Variants in PDGFRB observed in about 807,000 individuals in gnomAD.
PDGFRB encodes platelet derived growth factor receptor beta.
In PDGFRB, 42 loss-of-function variants were observed where a neutral mutation model predicts 120.2. The observed-to-expected ratio is 0.35, with a 90% CI of 0.27 to 0.45. The LOEUF (loss-of-function observed/expected upper bound fraction) is 0.45, where lower values mean the gene tolerates loss of function less well. PDGFRB is among the 20% of genes least tolerant of loss of function. The pLI, the probability that PDGFRB is intolerant of heterozygous loss-of-function variation, is 1.00. For synonymous variants in PDGFRB, 586 were observed against 606.8 expected, an observed-to-expected ratio of 0.97 and a Z score of 0.50; for missense variants, 1,149 against 1,476.3, an observed-to-expected ratio of 0.78 and a Z score of 3.63.
In PDGFRB at chr5:150,125,480, G is replaced by T; in HGVS notation, c.1772C>A (p.Ser591Tyr). The T allele has an allele frequency of 6.2e-7, 1 of 1,613,200 alleles. No homozygotes were observed. Among genetic ancestry groups the T allele is most frequent in the African/African-American group, 1.3e-5 (1 of 75,042 alleles). The change falls in exon 12 of 23, where the codon TCC becomes TAC. Residue 591 changes from serine to tyrosine, a missense_variant. Transcript: ENST00000261799. ...YVDPMQLPYD[S>Y]TWELPRDQLV... The stretch of plus-strand genomic sequence containing the variant: ...CTGGTCCCGCGGCAGCTCCCACGTG[G>T]AGTCATAGGGCAGCTGCATGGGGTC...
intron 8 of PDGFRB, among the ~76,000 whole-genome samples, chr5:150,131,490 TC>T (rs1279804333): frequency 6.6e-6 from 1 of 152,104 alleles, no homozygotes; most frequent in Non-Finnish European, 1.5e-5. Context: ...CTCTCAACCT[TC>T]CCTACCCGGC....
At position 150,133,896 on chromosome 5, in the gene PDGFRB, T is replaced by C; in HGVS notation, c.744A>G (p.Thr248=). Residue 248 remains threonine (T), a synonymous_variant, in exon 5 of 23, where the codon ACA becomes ACG. Coordinates refer to ENST00000261799, the MANE Select transcript of PDGFRB (RefSeq NM_002609.4). ...IGNEVVNFEW[T]YPRKESGRLV... ...CCCACATTACTTCTTTGCGGGGGTA[T>C]GTCCACTCGAAGTTGACCACCTCAT... 1 of 1,614,140 alleles carries C rather than the reference T, an allele frequency of 6.2e-7. No individual in the cohort carries two copies. Among genetic ancestry groups the C allele is most frequent in the Non-Finnish European group, 8.5e-7 (1 of 1,180,010 alleles).
intron 8 of PDGFRB, among the ~76,000 whole-genome samples, chr5:150,131,321 A>G (rs1027698749): frequency 1.3e-5 from 2 of 152,098 alleles, no homozygotes; most frequent in African/African-American, 4.8e-5. Flanking sequence ...CAAGCCTTTC[A>G]GTGATTGCTC....
chr5:150,124,416 C>A, intron 13 of PDGFRB, 56 bp from the exon 14 acceptor site: 2 of 1,269,510 alleles, frequency 1.6e-6, no homozygotes. Context: ...CATGGAGGCC[C>A]CACCACAGGA....
Position 150,130,483 on chromosome 5 carries a change from C to T in PDGFRB, c.1367+56G>A, listed in dbSNP as rs74846250. Reference sequence around the variant, plus strand: ...AACGGGCGGGACTAGATAACCTTCACGAGCTTTTTCTAGCCAGCTGGGGAC... The same window carrying T: ...AACGGGCGGGACTAGATAACCTTCATGAGCTTTTTCTAGCCAGCTGGGGAC... On this transcript the variant is annotated intron_variant, in intron 9 of 22. Transcript: ENST00000261799. 2.5e-5 allele frequency: 40 copies of T among 1,572,410 alleles called. No homozygotes were observed. In the African/African-American group the frequency reaches 4.2e-4, roughly 17 times the overall value.
At chr5:150,146,413 C>A (rs1019435384) in intron 1 of PDGFRB, among the ~76,000 whole-genome samples, 2 of 152,192 alleles carry the variant, frequency 1.3e-5, no homozygotes, top group Admixed American at 6.5e-5. Flanking sequence ...GGGGGGTACA[C>A]TCATTATTCC....
intron 10 of PDGFRB, among the ~76,000 whole-genome samples, chr5:150,127,239 G>A (rs1039671421): frequency 2.0e-5 from 3 of 152,104 alleles, no homozygotes; most frequent in African/African-American, 4.8e-5. Flanking sequence ...TACAAGCCTC[G>A]AGTCTCCTCC....
intron 1 of PDGFRB, among the ~76,000 whole-genome samples, chr5:150,138,231 C>T (rs760129809): frequency 2.0e-5 from 3 of 152,226 alleles, no homozygotes; most frequent in Non-Finnish European, 4.4e-5. Context: ...CAAGGAGCCT[C>T]CTCTGGCTGT....
In PDGFRB at chr5:150,132,215, T is replaced by G; in HGVS notation, c.1128-121A>C. 1 of 622,974 alleles carries G rather than the reference T, an allele frequency of 1.6e-6. No individual in the cohort carries two copies. The highest frequency in any genetic ancestry group is 2.9e-6 in the Non-Finnish European group (1 of 342,146). 38.6% of individuals were successfully genotyped at this position (622,974 alleles called of 1,614,324 possible). A position where few individuals can be genotyped will look rare whatever the true frequency, so the allele number is the denominator to read the frequency against. Reference sequence around the variant, plus strand: ...AGGGCTTGCCAAGGTCATCTCGGCATTGGTAGCAGAGCCGGGACTCAAACC... The same window carrying G: ...AGGGCTTGCCAAGGTCATCTCGGCAGTGGTAGCAGAGCCGGGACTCAAACC... On this transcript the variant is annotated intron_variant, in intron 7 of 22. Transcript: ENST00000261799. This position sits in a 1 kb window ranked among gnomAD's most constrained non-coding sequence, Gnocchi z 5.0.
chr5:150,115,821 T>C lies in PDGFRB; in HGVS notation c.3263A>G (p.Gln1088Arg), dbSNP rs1478654642. 2 of 1,612,898 alleles carry C rather than the reference T, an allele frequency of 1.2e-6. No individual in the cohort carries two copies. The highest frequency in any genetic ancestry group is 1.7e-5 in the Admixed American group (1 of 59,940). ...CGCAGGGCACCCCGAATCCGGCAAC[T>C]GTTCCAGCTCTGGCTCCGGCTCCAC... Reference protein sequence around the residue: ...LQVEPEPELEQLPDSGCPAPR... With the variant: ...LQVEPEPELERLPDSGCPAPR... Residue 1088 changes from glutamine to arginine, a missense_variant, in exon 23 of 23, where the codon CAG (glutamine) becomes CGG (arginine). Gln to Arg is a conservative substitution (Grantham distance 43). Transcript: ENST00000261799.
At chr5:150,124,910 C>T (rs1174941653) in intron 12 of PDGFRB, 79 bp from the exon 13 acceptor site, 3 of 662,248 alleles carry the variant, frequency 4.5e-6, no homozygotes, top group Non-Finnish European at 7.8e-6. Context: ...TCCCCCCACT[C>T]CCCTACCCCC....
intron 1 of PDGFRB, among the ~76,000 whole-genome samples, chr5:150,138,045 A>G (rs997610786): frequency 3.4e-4 from 51 of 150,588 alleles, no homozygotes; most frequent in Non-Finnish European, 7.2e-4. Context: ...AAAGACAGAG[A>G]CAGACTGAAT....
In PDGFRB at chr5:150,124,255, T is replaced by C. The variant is rs1221972730; in HGVS notation, c.2018A>G (p.Lys673Arg). Residue 673 changes from lysine to arginine, a missense_variant, in exon 14 of 23, where the codon AAA becomes AGA. By Grantham distance (26) the Lys-to-Arg change is conservative (BLOSUM62 2). Around this residue, in one of 3 missense-constraint regions of PDGFRB, gnomAD observed 879 missense variants for 1,108.6 expected, o/e 0.79. Transcript: ENST00000261799. ...NVVNLLGACT[K>R]GGPIYIITEY... The stretch of plus-strand genomic sequence containing the variant: ...TGGGGCAGTGGGCTCGGTACCTCCT[T>C]TGGTGCAGGCCCCCAACAGGTTGAC... 2 of 1,611,088 alleles carry C rather than the reference T, an allele frequency of 1.2e-6. No homozygotes were observed. Among genetic ancestry groups the C allele is most frequent in the South Asian group, 2.2e-5 (2 of 90,988 alleles).
intron 1 of PDGFRB, among the ~76,000 whole-genome samples, chr5:150,140,134 C>T (rs1367521067): frequency 6.6e-6 from 1 of 152,124 alleles, no homozygotes; most frequent in African/African-American, 2.4e-5. Flanking sequence ...GGCACCCAGA[C>T]ATGACTTCCC....
intron 21 of PDGFRB, 44 bp from the exon 22 acceptor site, chr5:150,117,894 G>T: frequency 9.1e-7 from 1 of 1,099,976 alleles, no homozygotes; most frequent in Non-Finnish European, 1.4e-6. Context: ...GGATGGTCAG[G>T]CCAGAAATGC....
intron 1 of PDGFRB, chr5:150,153,853 G>T (rs1004040395): frequency 6.6e-6 from 1 of 152,204 alleles, no homozygotes; most frequent in Non-Finnish European, 1.5e-5. Flanking sequence ...AAGGCTGGAG[G>T]CCTGGGTTCT....
Position 150,117,656 on chromosome 5 carries a change from A to G in PDGFRB, c.3099T>C (p.Ala1033=), listed in dbSNP as rs1404946683. The G allele has an allele frequency of 3.7e-6, 6 of 1,613,564 alleles. No individual in the cohort carries two copies. Among genetic ancestry groups the G allele is most frequent in the South Asian group, 2.2e-5 (2 of 91,056 alleles). ...IPLPDPKPEV[A]DEGPLEGSPS... The stretch of plus-strand genomic sequence containing the variant: ...GGGAACCCTCCAGTGGGCCCTCGTC[A>G]GCAACCTCGGGTTTGGGGTCAGGCA... Residue 1033 remains alanine, a synonymous_variant, in exon 22 of 23, where the codon GCT becomes GCC. Transcript: ENST00000261799.
chr5:150,148,134 C>T (rs888705641), intron 1 of PDGFRB, among the ~76,000 whole-genome samples: 4 of 152,228 alleles, frequency 2.6e-5, no homozygotes, highest in Non-Finnish European at 2.9e-5. Context: ...CATCCTAGCA[C>T]ACTCGGCGAT....
chr5:150,132,966 C>G lies in PDGFRB; in HGVS notation c.935-24G>C, dbSNP rs745383556. 1 of 1,523,382 alleles carries G rather than the reference C, an allele frequency of 6.6e-7. No individual in the cohort carries two copies. Among genetic ancestry groups the G allele is most frequent in the Non-Finnish European group, 8.9e-7 (1 of 1,126,398 alleles). 94.4% of individuals were successfully genotyped at this position (1,523,382 alleles called of 1,614,324 possible). ...CTCTGCAAGGGGTGACCGTCAGGGG[C>G]GGGGCCCTGGGGGCAGGGCACCAAC... is the stretch of plus-strand genomic sequence containing the variant. On this transcript the variant is annotated intron_variant, in intron 6 of 22. Coordinates refer to ENST00000261799, the MANE Select transcript of PDGFRB (RefSeq NM_002609.4). The surrounding 1 kb of genome is among the most constrained non-coding windows in gnomAD (Gnocchi z 5.0).
Sources: allele counts gnomAD v4.1 joint callset (sites outside exome capture counted in the v4.1 genomes callset), GRCh38; gene constraint gnomAD v4.1.1; regional missense constraint gnomAD v4.1.1; non-coding constraint Gnocchi (gnomAD v3.1); transcripts MANE v1.5; gene names NCBI Gene and HGNC (gene_info 2026-07-23, HGNC 2026-07-21).